DACT2: variants seen among roughly 807,000 people sequenced by gnomAD.
The protein encoded by DACT2 is dishevelled binding antagonist of beta catenin 2.
A neutral mutation model predicts 22.2 loss-of-function variants in DACT2; 20 were observed. The ratio of observed to expected loss-of-function variants is 0.90; its 90% CI spans 0.63 to 1.31. The LOEUF is 1.31. DACT2 is among the 50% of genes most tolerant of loss of function. The probability of loss-of-function intolerance (pLI) is 0.00; values close to 1 mark genes in which losing one functional copy is unlikely to be tolerated. For synonymous variants in DACT2, 463 were observed against 479.8 expected (o/e 0.96, Z 0.46); for missense variants, 1,048 against 1,061.4 (o/e 0.99, Z 0.18).
At chr6:168,316,107 A>C (rs1229548780) in intron 1 of DACT2, among the ~76,000 whole-genome samples, 1 of 152,202 alleles carries the variant, frequency 6.6e-6, no homozygotes, top group Non-Finnish European at 1.5e-5. Flanking sequence ...ATAAACAAAA[A>C]TCTGTTTGAT....
rs568159539 is a variant in DACT2, at chr6:168,308,968, G to T, written c.789C>A (p.Asp263Glu). ...CCTCCCTGCCGCCCTGGGACACCAG[G>T]TCCTGCCGATACTTGGGGTCCGGCA... Reference protein sequence around the residue: ...LHVPDPKYRQDLVSQGGREVY... With the variant: ...LHVPDPKYRQELVSQGGREVY... The change falls in exon 4 of 4, where the codon GAC becomes GAA. Residue 263 changes from aspartate to glutamate, a missense_variant. Coordinates refer to ENST00000366795, the MANE Select transcript of DACT2 (RefSeq NM_214462.5). 47 of 1,549,410 alleles carry T rather than the reference G, an allele frequency of 3.0e-5. No homozygotes were observed. The highest frequency in any genetic ancestry group is 1.7e-4 in the Middle Eastern group (1 of 5,992).
chr6:168,294,627 C>A, intron 4 of DACT2: 1 of 1,414,134 alleles, frequency 7.1e-7, no homozygotes, highest in South Asian at 1.5e-5. Context: ...GAACATCCTT[C>A]CCTACCTGTC....
chr6:168,308,643 T>C lies in DACT2; in HGVS notation c.1114A>G (p.Ser372Gly). The change falls in exon 4 of 4, where the codon AGT (serine) becomes GGT (glycine). Residue 372 changes from serine (S) to glycine (G), a missense_variant. By Grantham distance (56) the Ser-to-Gly change is moderately conservative. Transcript: ENST00000366795. ...AGCAGTCGCCCTCCACCGTCTGTAC[T>C]CCAGCCACCCTGCCTCTGTGGAGAT... ...SPSPQRQGGW[S>G]TDGGGRLLVF... 1 of 1,544,268 alleles carries C rather than the reference T, an allele frequency of 6.5e-7. No homozygotes were observed.
chr6:168,299,877 G>A (rs570991585), intron 3 of DACT2: 32 of 152,438 alleles, frequency 2.1e-4, no homozygotes, highest in African/African-American at 7.5e-4. Context: ...CCCACCTCAA[G>A]GATGGACAGC....
chr6:168,293,718 C>G (rs899815566), exon 6 of DACT2: 4 of 615,900 alleles, frequency 6.5e-6, no homozygotes, highest in Non-Finnish European at 1.2e-5. Flanking sequence ...GACCAGCAGT[C>G]CTTTCTGGAC....
rs1210821009 is a variant in DACT2, at chr6:168,294,689, G to A, written c.674C>T (p.Pro225Leu). Reference sequence around the variant, plus strand: ...CGGAGCATGCATGTCAAGTTCACCTGGAGCATTGCACAGCTCTGGTAAGAA... The same window carrying A: ...CGGAGCATGCATGTCAAGTTCACCTAGAGCATTGCACAGCTCTGGTAAGAA... Residue 225 changes from proline to leucine, a missense_variant, in exon 4 of 6, where the codon CCA becomes CTA. Coordinates refer to the DACT2 transcript ENST00000366796. 1.1e-5 allele frequency: 16 copies of A among 1,501,150 alleles called. No individual in the cohort carries two copies. In the East Asian group the frequency reaches 3.9e-4, roughly 37 times the overall value. 93.0% of individuals were successfully genotyped at this position (1,501,150 alleles called of 1,614,324 possible). A position where few individuals can be genotyped will look rare whatever the true frequency, so the allele number is the denominator to read the frequency against.
intron 1 of DACT2, among the ~76,000 whole-genome samples, chr6:168,318,279 G>A (rs1370149708): frequency 6.6e-6 from 1 of 152,240 alleles, no homozygotes; most frequent in Non-Finnish European, 1.5e-5. Context: ...AGAGTTGGGG[G>A]CCCAGGTTAA....
At chr6:168,301,821 C>G (rs144011228) in intron 3 of DACT2, among the ~76,000 whole-genome samples, 61 of 152,328 alleles carry the variant, frequency 4.0e-4, no homozygotes, top group African/African-American at 1.4e-3. Context: ...TTGTTTATTC[C>G]ACACTTCAAA....
In DACT2 at chr6:168,307,508, A is replaced by G. The variant is rs1022596797; in HGVS notation, c.2249T>C (p.Ile750Thr). 6.4e-6 allele frequency: 10 copies of G among 1,551,440 alleles called. No individual in the cohort carries two copies. Among genetic ancestry groups the G allele is most frequent in the Non-Finnish European group, 8.7e-6 (10 of 1,146,960 alleles). Residue 750 changes from isoleucine (I) to threonine (T), a missense_variant, in exon 4 of 4, where the codon ATT becomes ACT. Physicochemically the swap from Ile to Thr is moderately conservative, Grantham distance 89. Coordinates refer to ENST00000366795, the MANE Select transcript of DACT2 (RefSeq NM_214462.5). The surrounding 1 kb of genome is among the most constrained non-coding windows in gnomAD (Gnocchi z 5.3). Reference protein sequence around the residue: ...LLSPVPKLCRIKASKALKKKI... With the variant: ...LLSPVPKLCRTKASKALKKKI... ...CTTCTTCAGGGCCTTGGAGGCCTTA[A>G]TACGGCACAGCTTGGGCACGGGGGA...
intron 3 of DACT2, among the ~76,000 whole-genome samples, chr6:168,301,075 G>C (rs768460888): frequency 6.6e-6 from 1 of 152,202 alleles, no homozygotes; most frequent in East Asian, 1.9e-4. Context: ...AAGAAGAAGC[G>C]CCATGGAAGA....
chr6:168,298,478 A>G (rs559225675), intron 3 of DACT2: 3 of 152,346 alleles, frequency 2.0e-5, no homozygotes, highest in Non-Finnish European at 4.4e-5. Flanking sequence ...TTGGGATCCA[A>G]CTGTATTTAG....
At chr6:168,306,514 C>T (rs557751361), downstream of DACT2, among the ~76,000 whole-genome samples, 2 of 151,844 alleles carry the variant, frequency 1.3e-5, no homozygotes, top group East Asian at 3.9e-4. Flanking sequence ...GCAATCTTGG[C>T]TCACTGCAGC....
In DACT2 at chr6:168,308,113, C is replaced by G. The variant is rs10945500; in HGVS notation, c.1644G>C (p.Arg548=). Residue 548 remains arginine (R), a synonymous_variant, in exon 4 of 4, where the codon CGG becomes CGC. Transcript: ENST00000366795. The part of the protein sequence containing the change: ...HWPTGRGGLQ[R]RPALAWEAPG... ...GTGCCTCCCAGGCCAGGGCTGGCCT[C>G]CGCTGGAGCCCGCCCCTCCCTGTGG... 0.26 allele frequency: 396,742 copies of G among 1,546,702 alleles called. 52,952 individuals carry two copies. Among genetic ancestry groups the G allele is most frequent in the African/African-American group, 0.42 (30,441 of 72,924 alleles).
chr6:168,303,783 G>T (rs1046668991), downstream of DACT2, among the ~76,000 whole-genome samples: 1 of 152,014 alleles, frequency 6.6e-6, no homozygotes, highest in Non-Finnish European at 1.5e-5. Context: ...GTAATGATAC[G>T]CTCTGTTTTC....
At position 168,319,498 on chromosome 6, in the gene DACT2, C is replaced by A. The variant is rs1779595152; in HGVS notation, c.136G>T (p.Ala46Ser). ...GCGGGCGGGGGCTGCAGGGCCAGGGCGCCCCGTACCCGCTCCTGCTGCGTG... is the reference window on the plus strand; with the variant it reads ...GCGGGCGGGGGCTGCAGGGCCAGGGAGCCCCGTACCCGCTCCTGCTGCGTG... ...RATQQERVRG[A>S]LALQPPPAPA... The change falls in exon 1 of 4, where the codon GCC (alanine) becomes TCC (serine). Residue 46 changes from alanine to serine, a missense_variant. Coordinates refer to ENST00000366795, the MANE Select transcript of DACT2 (RefSeq NM_214462.5). 3.1e-6 allele frequency: 4 copies of A among 1,275,700 alleles called. No individual in the cohort carries two copies. Among genetic ancestry groups the A allele is most frequent in the South Asian group, 2.4e-5 (1 of 41,498 alleles). 79.0% of individuals were successfully genotyped at this position (1,275,700 alleles called of 1,614,324 possible). A position where few individuals can be genotyped will look rare whatever the true frequency, so the allele number is the denominator to read the frequency against.
chr6:168,303,817 TA>T (rs1047198437), downstream of DACT2, among the ~76,000 whole-genome samples: 1 of 152,236 alleles, frequency 6.6e-6, no homozygotes, highest in African/African-American at 2.4e-5. Context: ...TATGATTTGC[TA>T]AAGTAGGTTG....
intron 3 of DACT2, 122 bp downstream of exon 3, chr6:168,310,046 C>T: frequency 7.0e-7 from 1 of 1,422,502 alleles, no homozygotes; most frequent in Non-Finnish European, 9.2e-7. Context: ...TTCCAGCGTC[C>T]CTTAGAGCCT....
At chr6:168,295,923 C>T (rs557330359) in intron 3 of DACT2, among the ~76,000 whole-genome samples, 1 of 152,134 alleles carries the variant, frequency 6.6e-6, no homozygotes, top group Admixed American at 6.5e-5. Context: ...ACCTCACGTA[C>T]GTGATGCCCA....
At chr6:168,304,933 T>C (rs138502259), downstream of DACT2, among the ~76,000 whole-genome samples, 45 of 152,330 alleles carry the variant, frequency 3.0e-4, no homozygotes, top group South Asian at 1.9e-3. Context: ...TCTGTGAGAA[T>C]TCTACTTCTT....
Sources: gnomAD v4.1 joint callset for allele counts (sites outside exome capture counted in the v4.1 genomes callset) on GRCh38, gnomAD v4.1.1 for gene constraint, Gnocchi (gnomAD v3.1) non-coding constraint, MANE v1.5 for transcripts, NCBI Gene and HGNC (gene_info 2026-07-23, HGNC 2026-07-21) for gene names.